ZBTB34: variants seen among roughly 807,000 people sequenced by gnomAD.
The protein encoded by ZBTB34 is zinc finger and BTB domain-containing protein 34.
In ZBTB34, 1 loss-of-function variant was observed where a neutral mutation model predicts 33.4. The ratio of observed to expected loss-of-function variants is 0.03; its 90% CI spans 0.01 to 0.14. ZBTB34 has a LOEUF of 0.14. ZBTB34 is among the 10% of genes least tolerant of loss of function. The pLI, the probability that ZBTB34 is intolerant of heterozygous loss-of-function variation, is 1.00. For missense variants in ZBTB34, 406 were observed against 657.2 expected, an observed-to-expected ratio of 0.62 and a Z score of 4.18; for synonymous variants, 283 against 253.5, an observed-to-expected ratio of 1.12 and a Z score of -1.11.
At chr9:126,867,206 C>T (rs1041343891) in intron 1 of ZBTB34, among the ~76,000 whole-genome samples, 3 of 147,104 alleles carry the variant, frequency 2.0e-5, no homozygotes, top group Non-Finnish European at 4.5e-5. Context: ...TTTTGTAGGT[C>T]CTATATATTA....
rs753866047 is a variant in ZBTB34, at chr9:126,880,023, C to T, written c.624C>T (p.Ser208=). 3 of 1,613,608 alleles carry T rather than the reference C, an allele frequency of 1.9e-6. No homozygotes were observed. Among genetic ancestry groups the T allele is most frequent in the South Asian group, 2.2e-5 (2 of 91,076 alleles). Residue 208 remains serine, a synonymous_variant, in exon 2 of 2, where the codon AGC becomes AGT. Coordinates refer to ENST00000319119, the Ensembl canonical transcript of ZBTB34. The surrounding 1 kb of genome is among the most constrained non-coding windows in gnomAD (Gnocchi z 6.7). ...AGGAGGGGCACTCAGACCGCGGGAG[C>T]AGTGGGAGCGTTTCTGAATATGAGA...
rs1374137776 is a variant in ZBTB34 at position 126,871,743 on chromosome 9, G to A, written c.-10-7647G>A. 2.0e-5 allele frequency among the ~76,000 whole-genome samples: 3 copies of A among 152,086 alleles called. No homozygotes were observed. The East Asian group carries it at 5.8e-4, about 29-fold the overall frequency. On this transcript the variant is annotated intron_variant, in intron 1 of 1. Coordinates refer to ENST00000319119, the Ensembl canonical transcript of ZBTB34. ...CCAGTGATTATCTTTGGGAAGAGGG[G>A]CTGGGGGAAAGTTTTATTATTTCTG...
chr9:126,875,490 TC>T (rs1419591081), intron 1 of ZBTB34, among the ~76,000 whole-genome samples: 1 of 152,182 alleles, frequency 6.6e-6, no homozygotes, highest in African/African-American at 2.4e-5. Context: ...TTCTCTCTCT[TC>T]ATTTATACAG....
Position 126,880,340 on chromosome 9 carries a change from C to A in ZBTB34, c.941C>A (p.Ser314Tyr). The stretch of plus-strand genomic sequence containing the variant: ...TTGAGTAATTCCAGCCCATCCAGGT[C>A]CATGCTGAGCTGTTTCCGAGGAGGG... Residue 314 changes from serine to tyrosine, a missense_variant, in exon 2 of 2, where the codon TCC becomes TAC. Ser to Tyr is a moderately radical substitution (Grantham distance 144, BLOSUM62 -2). Transcript: ENST00000319119. This position sits in a 1 kb window ranked among gnomAD's most constrained non-coding sequence, Gnocchi z 6.7. 1 of 1,613,972 alleles carries A rather than the reference C, an allele frequency of 6.2e-7. No homozygotes were observed. The highest frequency in any genetic ancestry group is 8.5e-7 in the Non-Finnish European group (1 of 1,179,902).
chr9:126,866,605 T>A (rs2033205059), intron 1 of ZBTB34, among the ~76,000 whole-genome samples: 1 of 152,208 alleles, frequency 6.6e-6, no homozygotes, highest in Non-Finnish European at 1.5e-5. Context: ...TTTTTAAAAA[T>A]CTTTTTGGTC....
intron 1 of ZBTB34, among the ~76,000 whole-genome samples, chr9:126,877,188 G>A (rs749094830): frequency 5.9e-5 from 9 of 152,004 alleles, no homozygotes; most frequent in South Asian, 2.1e-4. Context: ...GTTGTTTTTC[G>A]AAACTCCCAA....
chr9:126,873,779 A>G (rs1469965913), intron 1 of ZBTB34, among the ~76,000 whole-genome samples: 1 of 145,144 alleles, frequency 6.9e-6, no homozygotes, highest in Non-Finnish European at 1.5e-5. Context: ...TAATTTTTGT[A>G]TTTTTAGTAG....
At chr9:126,867,126 C>CTTT (rs201393295) in intron 1 of ZBTB34, among the ~76,000 whole-genome samples, 2 of 128,568 alleles carry the variant, frequency 1.6e-5, no homozygotes, top group Admixed American at 7.8e-5. Flanking sequence ...TTGGGGGTTC[C>CTTT]TTTTTTTTTT....
At chr9:126,873,034 T>C (rs952857005) in intron 1 of ZBTB34, among the ~76,000 whole-genome samples, 13 of 152,336 alleles carry the variant, frequency 8.5e-5, no homozygotes, top group African/African-American at 3.1e-4. Flanking sequence ...ATTTCAGAAA[T>C]GCTCTGTTGC....
intron 1 of ZBTB34, among the ~76,000 whole-genome samples, chr9:126,873,539 C>T (rs185084795): frequency 6.6e-6 from 1 of 152,162 alleles, no homozygotes; most frequent in African/African-American, 2.4e-5. Context: ...GCTGGGATTA[C>T]AGGCATGAAC....
In ZBTB34 at chr9:126,871,510, G is replaced by A. The variant is rs144075258; in HGVS notation, c.-10-7880G>A. On this transcript the variant is annotated intron_variant, in intron 1 of 1. Transcript: ENST00000319119. Reference sequence around the variant, plus strand: ...CCCGAGTAGCTGGAATTACAGGCGCGTGCCACCACACCCAGCTAATTTTTG... The same window carrying A: ...CCCGAGTAGCTGGAATTACAGGCGCATGCCACCACACCCAGCTAATTTTTG... 4.3e-3 allele frequency among the ~76,000 whole-genome samples: 649 copies of A among 151,476 alleles called. 5 individuals are homozygous for A. Among genetic ancestry groups the A allele is most frequent in the African/African-American group, 0.015 (616 of 41,250 alleles).
At position 126,879,546 on chromosome 9, in the gene ZBTB34, C is replaced by T; in HGVS notation, c.147C>T (p.Ala49=). ...ACATTCAGGGTCAGCCATTCCGAGCCCACAAAGCAGTCCTTGCTGCCAGCT... is the reference window on the plus strand; with the variant it reads ...ACATTCAGGGTCAGCCATTCCGAGCTCACAAAGCAGTCCTTGCTGCCAGCT... The change falls in exon 2 of 2, where the codon GCC becomes GCT. Residue 49 remains alanine (A), a synonymous_variant. Transcript: ENST00000319119. The surrounding 1 kb of genome is among the most constrained non-coding windows in gnomAD (Gnocchi z 6.4). 6.2e-7 allele frequency: 1 copy of T among 1,613,906 alleles called. No homozygotes were observed.
chr9:126,867,361 TA>T (rs2033218707), intron 1 of ZBTB34, among the ~76,000 whole-genome samples: 1 of 151,990 alleles, frequency 6.6e-6, no homozygotes, highest in African/African-American at 2.4e-5. Flanking sequence ...TTAAAAATGG[TA>T]TCTCATTATT....
chr9:126,872,615 A>G (rs559727534), intron 1 of ZBTB34, among the ~76,000 whole-genome samples: 6 of 152,100 alleles, frequency 3.9e-5, no homozygotes, highest in East Asian at 1.9e-4. Flanking sequence ...GGATCACTGG[A>G]CCTGATAAAT....
intron 1 of ZBTB34, among the ~76,000 whole-genome samples, chr9:126,876,800 TACAGATTTCAA>T (rs2119226934): frequency 6.6e-6 from 1 of 152,348 alleles, no homozygotes; most frequent in South Asian, 2.1e-4. Context: ...GTTCATTTCA[TACAGATTTCAA>T]ATTGATTTCA....
chr9:126,873,601 AT>A (rs902009723), intron 1 of ZBTB34, among the ~76,000 whole-genome samples: 9 of 149,304 alleles, frequency 6.0e-5, no homozygotes, highest in Admixed American at 1.3e-4. Flanking sequence ...GTTGTTAAGC[AT>A]TTTTTTTCTT....
At chr9:126,861,336 G>C (rs1239635407) in intron 1 of ZBTB34, among the ~76,000 whole-genome samples, 1 of 152,224 alleles carries the variant, frequency 6.6e-6, no homozygotes, top group Non-Finnish European at 1.5e-5. Flanking sequence ...GGCTGGGGCT[G>C]ACCGGGGTTG....
At chr9:126,883,912 A>T (rs570164401) in exon 2 of ZBTB34, 1 of 167,204 alleles carries the variant, frequency 6.0e-6, no homozygotes, top group African/African-American at 2.4e-5. Flanking sequence ...AGGAGGATTA[A>T]CATGACCACA....
Position 126,880,332 on chromosome 9 carries a change from A to T in ZBTB34, c.933A>T (p.Pro311=). The T allele has an allele frequency of 6.2e-7, 1 of 1,613,974 alleles. No individual in the cohort carries two copies. Among genetic ancestry groups the T allele is most frequent in the East Asian group, 2.2e-5 (1 of 44,886 alleles). The stretch of plus-strand genomic sequence containing the variant: ...TTGGAAGTTTGAGTAATTCCAGCCC[A>T]TCCAGGTCCATGCTGAGCTGTTTCC... Residue 311 remains proline, a synonymous_variant, in exon 2 of 2, where the codon CCA becomes CCT. Transcript: ENST00000319119. The surrounding 1 kb of genome is among the most constrained non-coding windows in gnomAD (Gnocchi z 6.7).
Sources: gnomAD v4.1 joint callset for allele counts (sites outside exome capture counted in the v4.1 genomes callset) on GRCh38, gnomAD v4.1.1 for gene constraint, Gnocchi (gnomAD v3.1) non-coding constraint, MANE v1.5 for transcripts, NCBI Gene and HGNC (gene_info 2026-07-23, HGNC 2026-07-21) for gene names.